Variants in CCDC7 observed in about 807,000 individuals in gnomAD.
CCDC7 encodes coiled-coil domain-containing protein 7.
In CCDC7, 183 loss-of-function variants were observed where a neutral mutation model predicts 196.9. The ratio of observed to expected loss-of-function variants is 0.93; its 90% CI spans 0.82 to 1.05. The LOEUF (loss-of-function observed/expected upper bound fraction) is 1.05. CCDC7 is among the 50% of genes least tolerant of loss of function. The pLI is 0.00. For missense variants in CCDC7, 1,540 were observed against 1,482.2 expected (o/e 1.04, Z -0.64); for synonymous variants, 525 against 484.6 (o/e 1.08, Z -1.10).
chr10:32,472,589 TTTTGTTATTATTTTTATC>T, intron 7 of CCDC7, 47 bp downstream of exon 8: 1 of 1,436,330 alleles, frequency 7.0e-7, no homozygotes, highest in Non-Finnish European at 9.2e-7. Context: ...TTATTAAAAA[TTTTGTTATTATTTTTATC>T]TTTTAAAGAG....
intron 21 of CCDC7, among the ~76,000 whole-genome samples, chr10:32,672,474 T>C (rs574228615): frequency 6.6e-6 from 1 of 152,300 alleles, no homozygotes; most frequent in African/African-American, 2.4e-5. Context: ...AGAGTGGCTA[T>C]GTTTTGGGTC....
At chr10:32,871,020 C>T (rs1026747651) in intron 41 of CCDC7, among the ~76,000 whole-genome samples, 2 of 152,116 alleles carry the variant, frequency 1.3e-5, no homozygotes, top group African/African-American at 4.8e-5. Context: ...AGGATTTTTG[C>T]ATGAATGTTC....
At chr10:32,518,448 G>T in exon 11 of CCDC7, 1 of 1,605,420 alleles carries the variant, frequency 6.2e-7, no homozygotes, top group Non-Finnish European at 8.5e-7. Flanking sequence ...ATTTTCAGTT[G>T]TTATCAGAAG....
At chr10:32,767,302 C>T (rs1376593752) in intron 28 of CCDC7, among the ~76,000 whole-genome samples, 6 of 152,068 alleles carry the variant, frequency 3.9e-5, no homozygotes, top group African/African-American at 1.4e-4. Flanking sequence ...ATTCATACTA[C>T]GTTTTGCCTT....
intron 30 of CCDC7, among the ~76,000 whole-genome samples, chr10:32,805,698 C>A (rs1052948498): frequency 1.3e-5 from 2 of 152,162 alleles, no homozygotes; most frequent in African/African-American, 2.4e-5. Context: ...AAAAGACATA[C>A]TCAAAGAGGG....
intron 11 of CCDC7, among the ~76,000 whole-genome samples, chr10:32,527,834 A>C: frequency 6.6e-6 from 1 of 152,160 alleles, no homozygotes; most frequent in East Asian, 1.9e-4. Context: ...TGGTTATGGA[A>C]TATGTAGAAC....
intron 9 of CCDC7, among the ~76,000 whole-genome samples, chr10:32,515,458 A>G (rs1422409416): frequency 1.3e-5 from 2 of 152,216 alleles, no homozygotes; most frequent in East Asian, 1.9e-4. Flanking sequence ...AGATGATTCA[A>G]TGGGGGAAAG....
Position 32,601,219 on chromosome 10 carries a change from T to A in CCDC7, c.1801+16915T>A, listed in dbSNP as rs1443349241. The stretch of plus-strand genomic sequence containing the variant: ...TCCTGAGTAGCTGGGACTACAGGCA[T>A]GTGCCACCACACTTGGCTAATTTTG... On this transcript the variant is annotated intron_variant, in intron 18 of 41. Coordinates refer to ENST00000639629, the Ensembl canonical transcript of CCDC7. Among the ~76,000 whole-genome samples, 5 of 152,092 alleles carry A rather than the reference T, an allele frequency of 3.3e-5. No homozygotes were observed. In the East Asian group the frequency reaches 9.7e-4, roughly 29 times the overall value.
At chr10:32,709,867 CATTGACTGCTCTCACTCTCGT>C (rs2080522094) in intron 24 of CCDC7, among the ~76,000 whole-genome samples, 1 of 113,484 alleles carries the variant, frequency 8.8e-6, no homozygotes, top group East Asian at 3.4e-4. Flanking sequence ...AAAATCTTAT[CATTGACTGCTCTCACTCTCGT>C]CATTGACTGC....
At chr10:32,817,670 G>A (rs1389706889) in intron 31 of CCDC7, among the ~76,000 whole-genome samples, 13 of 152,200 alleles carry the variant, frequency 8.5e-5, no homozygotes, top group Admixed American at 2.0e-4. Flanking sequence ...AGAAGAGAGT[G>A]GGGGCCAATA....
At chr10:32,527,196 C>T (rs1232725696) in intron 11 of CCDC7, among the ~76,000 whole-genome samples, 1 of 152,160 alleles carries the variant, frequency 6.6e-6, no homozygotes, top group Non-Finnish European at 1.5e-5. Flanking sequence ...CAGGGCAGCG[C>T]TGGGTTCATT....
chr10:32,679,471 C>G (rs1216713695), intron 21 of CCDC7, among the ~76,000 whole-genome samples: 1 of 152,096 alleles, frequency 6.6e-6, no homozygotes, highest in Non-Finnish European at 1.5e-5. Context: ...TTCTTGTAAC[C>G]CCATAGTTGG....
At chr10:32,700,377 T>C (rs1414501687) in intron 24 of CCDC7, among the ~76,000 whole-genome samples, 1 of 149,204 alleles carries the variant, frequency 6.7e-6, no homozygotes, top group East Asian at 1.9e-4. Context: ...ATATGTGGCA[T>C]TATTTCTGAG....
chr10:32,806,988 GA>G (rs1201505742), intron 30 of CCDC7, among the ~76,000 whole-genome samples: 2 of 152,292 alleles, frequency 1.3e-5, no homozygotes, highest in Middle Eastern at 3.4e-3. Flanking sequence ...AAAGCTAAAT[GA>G]AGGACTGTTA....
At chr10:32,610,820 C>G (rs1273047216) in intron 18 of CCDC7, among the ~76,000 whole-genome samples, 1 of 152,182 alleles carries the variant, frequency 6.6e-6, no homozygotes, top group African/African-American at 2.4e-5. Context: ...TCCAGTCTAT[C>G]ATTGATGGGC....
chr10:32,725,364 C>G (rs541509268), intron 25 of CCDC7: 3 of 470,892 alleles, frequency 6.4e-6, no homozygotes. Context: ...GCCCCCAACA[C>G]TCTTGCCCAA....
chr10:32,747,225 A>G (rs73243812), intron 28 of CCDC7, among the ~76,000 whole-genome samples: 2,666 of 152,314 alleles, frequency 0.018, 83 homozygotes, highest in African/African-American at 0.061. Context: ...CCCAAGATGG[A>G]TCAAAGACTT....
At chr10:32,703,820 T>C (rs2079193500) in intron 24 of CCDC7, among the ~76,000 whole-genome samples, 2 of 152,160 alleles carry the variant, frequency 1.3e-5, no homozygotes, top group African/African-American at 4.8e-5. Flanking sequence ...CTACTGAGGC[T>C]TGTGCATTCG....
chr10:32,635,044 T>G lies in CCDC7; in HGVS notation c.1913-13T>G, dbSNP rs2052161216. On this transcript the variant is annotated splice_polypyrimidine_tract_variant and intron_variant, in intron 19 of 41. Coordinates refer to ENST00000639629, the Ensembl canonical transcript of CCDC7. Reference sequence around the variant, plus strand: ...ATACAGAAGTTTTATCATAGATCTGTTTTTCTGTTCAGAGACTCTTACAAC... The same window carrying G: ...ATACAGAAGTTTTATCATAGATCTGGTTTTCTGTTCAGAGACTCTTACAAC... The G allele has an allele frequency of 2.5e-6, 1 of 398,610 alleles. No homozygotes were observed. The highest frequency in any genetic ancestry group is 2.1e-5 in the African/African-American group (1 of 48,720). The allele number at this position is 398,610 out of a possible 1,614,324, so 24.7% of individuals were successfully genotyped here.
Sources: allele counts gnomAD v4.1 joint callset (sites outside exome capture counted in the v4.1 genomes callset), GRCh38; gene constraint gnomAD v4.1.1; transcripts MANE v1.5; gene names NCBI Gene and HGNC (gene_info 2026-07-23, HGNC 2026-07-21).